PDE1A: variants seen among roughly 807,000 people sequenced by gnomAD.
PDE1A encodes the protein dual specificity calcium/calmodulin-dependent 3',5'-cyclic nucleotide phosphodiesterase 1A.
PDE1A carries 35 observed loss-of-function variants against 61.7 expected under a neutral mutation model. That is an observed-to-expected ratio of 0.57 (90% confidence interval 0.43 to 0.75). The LOEUF (loss-of-function observed/expected upper bound fraction) is 0.75, where lower values mean the gene tolerates loss of function less well. PDE1A is among the 30% of genes least tolerant of loss of function. PDE1A has a pLI of 0.00. For synonymous variants in PDE1A, 232 were observed against 213.2 expected, an observed-to-expected ratio of 1.09 and a Z score of -0.77; for missense variants, 597 against 630.6, an observed-to-expected ratio of 0.95 and a Z score of 0.57.
intron 1 of PDE1A, among the ~76,000 whole-genome samples, chr2:182,272,401 T>A (rs1168529644): frequency 6.6e-6 from 1 of 152,180 alleles, no homozygotes; most frequent in African/African-American, 2.4e-5. Flanking sequence ...GTCCTGCATG[T>A]TATGCAGATG....
At chr2:182,460,914 C>G (rs755256327) in intron 2 of PDE1A, among the ~76,000 whole-genome samples, 13 of 152,018 alleles carry the variant, frequency 8.6e-5, no homozygotes, top group Non-Finnish European at 1.9e-4. Context: ...CTTATTTAAC[C>G]CACTCTCCTC....
chr2:182,262,807 C>T (rs1411603189), intron 2 of PDE1A, among the ~76,000 whole-genome samples: 1 of 151,956 alleles, frequency 6.6e-6, no homozygotes, highest in Non-Finnish European at 1.5e-5. Context: ...AGTATACTAC[C>T]TTCCATGAAA....
chr2:182,239,900 TTAAAA>T (rs1289859979), intron 3 of PDE1A, among the ~76,000 whole-genome samples: 7 of 152,322 alleles, frequency 4.6e-5, no homozygotes, highest in Non-Finnish European at 1.0e-4. Context: ...TCATGTCAAC[TTAAAA>T]TAAATAAAAA....
intron 1 of PDE1A, among the ~76,000 whole-genome samples, chr2:182,312,620 T>C (rs1238430124): frequency 1.3e-5 from 2 of 152,186 alleles, no homozygotes; most frequent in Non-Finnish European, 2.9e-5. Context: ...TGTCCATATA[T>C]ATGTGGGTTA....
chr2:182,305,778 T>C (rs1220454347), intron 1 of PDE1A, among the ~76,000 whole-genome samples: 1 of 152,088 alleles, frequency 6.6e-6, no homozygotes, highest in East Asian at 1.9e-4. Flanking sequence ...TATAATTGTA[T>C]ATATTTATGA....
chr2:182,627,320 T>TTATATATATAAATTTATATATAA, the PDE1A span, among the ~76,000 whole-genome samples: 17 of 86,540 alleles, frequency 2.0e-4, no homozygotes, highest in Admixed American at 4.1e-4. Context: ...AATATATATA[T>TTATATATATAAATTTATATATAA]TATATATATA....
chr2:182,612,396 T>G, the PDE1A span, among the ~76,000 whole-genome samples: 1 of 152,200 alleles, frequency 6.6e-6, no homozygotes, highest in Non-Finnish European at 1.5e-5. Flanking sequence ...TTCTCATATA[T>G]CCAGCATGTT....
the PDE1A span, among the ~76,000 whole-genome samples, chr2:182,633,696 TA>T: frequency 6.6e-6 from 1 of 152,326 alleles, no homozygotes; most frequent in African/African-American, 2.4e-5. Context: ...TAAATATTTC[TA>T]ATCATTTGGC....
At chr2:182,456,610 T>A (rs1685938158) in intron 2 of PDE1A, among the ~76,000 whole-genome samples, 1 of 152,074 alleles carries the variant, frequency 6.6e-6, no homozygotes. Context: ...GTACAACAGC[T>A]ACACATGCAG....
chr2:182,390,361 T>C (rs781546494), intron 1 of PDE1A, among the ~76,000 whole-genome samples: 18 of 152,204 alleles, frequency 1.2e-4, no homozygotes, highest in Admixed American at 2.0e-4. Context: ...TAGAGAGTTA[T>C]ACAAAATAAA....
chr2:182,713,640 C>A, the PDE1A span, among the ~76,000 whole-genome samples: 2 of 152,026 alleles, frequency 1.3e-5, no homozygotes, highest in African/African-American at 4.8e-5. Context: ...TCAAAAAATA[C>A]TAAATAAATA....
At chr2:182,672,081 C>T in the PDE1A span, among the ~76,000 whole-genome samples, 7 of 152,206 alleles carry the variant, frequency 4.6e-5, no homozygotes, top group South Asian at 1.5e-3. Context: ...GCATACTTAC[C>T]AATTATTTTT....
chr2:182,664,364 A>T, the PDE1A span, among the ~76,000 whole-genome samples: 1 of 152,226 alleles, frequency 6.6e-6, no homozygotes, highest in Non-Finnish European at 1.5e-5. Flanking sequence ...CATCAATGAC[A>T]GAATAGGTAT....
chr2:182,200,569 C>T (rs1173831064), intron 10 of PDE1A, among the ~76,000 whole-genome samples: 1 of 152,170 alleles, frequency 6.6e-6, no homozygotes, highest in East Asian at 1.9e-4. Context: ...CCTCCCAGAC[C>T]TTTCCTTATG....
the PDE1A span, among the ~76,000 whole-genome samples, chr2:182,689,713 C>A: frequency 6.6e-6 from 1 of 152,106 alleles, no homozygotes; most frequent in Admixed American, 6.6e-5. Flanking sequence ...ACACAAAAAA[C>A]CCTTCAAAAA....
the PDE1A span, among the ~76,000 whole-genome samples, chr2:182,601,451 GCTCTT>G: frequency 6.6e-6 from 1 of 152,224 alleles, no homozygotes; most frequent in Admixed American, 6.5e-5. Context: ...AAGGGCCTCA[GCTCTT>G]CTCTTCATCA....
intron 1 of PDE1A, among the ~76,000 whole-genome samples, chr2:182,386,413 CG>C (rs1388506882): frequency 6.6e-6 from 1 of 151,506 alleles, no homozygotes; most frequent in African/African-American, 2.4e-5. Context: ...TGTCTCTGCC[CG>C]GCTGCCCATC....
intron 2 of PDE1A, among the ~76,000 whole-genome samples, chr2:182,521,438 T>C (rs867344477): frequency 2.6e-5 from 4 of 152,222 alleles, no homozygotes; most frequent in Middle Eastern, 6.8e-3. Context: ...TTCATATTCA[T>C]ATTTCTCATT....
intron 7 of PDE1A, among the ~76,000 whole-genome samples, chr2:182,209,670 A>G (rs1687414501): frequency 6.6e-6 from 1 of 151,800 alleles, no homozygotes. Flanking sequence ...AGTTCTCATA[A>G]GATCTGGTTG....
Sources: allele counts gnomAD v4.1 joint callset (sites outside exome capture counted in the v4.1 genomes callset), GRCh38; gene constraint gnomAD v4.1.1; transcripts MANE v1.5; gene names NCBI Gene and HGNC (gene_info 2026-07-23, HGNC 2026-07-21).